Variants in LRP8 observed in about 807,000 individuals in gnomAD.
The protein encoded by LRP8 is LDL receptor related protein 8, also known as low-density lipoprotein receptor-related protein 8.
LRP8 carries 46 observed loss-of-function variants against 111.6 expected under a neutral mutation model. The ratio of observed to expected loss-of-function variants is 0.41; its 90% CI spans 0.33 to 0.53. The LOEUF is 0.53. Ranked by LOEUF, LRP8 falls within the 20% of genes least tolerant of loss-of-function variation. The pLI is 0.20. For missense variants in LRP8, 959 were observed against 1,297.4 expected (o/e 0.74, Z 4.01); for synonymous variants, 464 against 511.2 (o/e 0.91, Z 1.24).
intron 2 of LRP8, among the ~76,000 whole-genome samples, chr1:53,315,549 G>A (rs919629515): frequency 6.6e-6 from 1 of 152,348 alleles, no homozygotes; most frequent in Non-Finnish European, 1.5e-5. Context: ...GGGAAGTGGT[G>A]AGGTGTGGAC....
Position 53,277,068 on chromosome 1 carries a change from C to G in LRP8, c.507G>C (p.Pro169=). The G allele has an allele frequency of 6.6e-7, 1 of 1,521,446 alleles. No homozygotes were observed. Among genetic ancestry groups the G allele is most frequent in the South Asian group, 1.2e-5 (1 of 83,812 alleles). 94.2% of individuals were successfully genotyped at this position (1,521,446 alleles called of 1,614,324 possible). The stretch of plus-strand genomic sequence containing the variant: ...AGCGGTTGCCGCACTGGAACTCGTG[C>G]GGGGCGCACACTGCGCGGGACAGAG... ...DEAGCATLCA[P]HEFQCGNRSC... Residue 169 remains proline, a synonymous_variant, in exon 5 of 19, where the codon CCG becomes CCC. Transcript: ENST00000306052.
At position 53,247,003 on chromosome 1, in the gene LRP8, G is replaced by C. The variant is rs371130583; in HGVS notation, c.*15C>G. 48 of 1,604,758 alleles carry C rather than the reference G, an allele frequency of 3.0e-5. No individual in the cohort carries two copies. Among genetic ancestry groups the C allele is most frequent in the Admixed American group, 2.9e-4 (17 of 57,978 alleles). On this transcript the variant is annotated 3_prime_UTR_variant, in exon 19 of 19. Coordinates refer to ENST00000306052, the MANE Select transcript of LRP8 (RefSeq NM_004631.5). ...GGACTGAATTCCATGAGGCACGAAG[G>C]GGGTGATCCCATCCTCAGGGTAGTC...
Position 53,243,953 on chromosome 1 carries a change from T to C in LRP8, c.*3065A>G, listed in dbSNP as rs573240280. On this transcript the variant is annotated 3_prime_UTR_variant, in exon 19 of 19. Transcript: ENST00000306052. ...TGACCTTTACATCTGCAGTGCCAGG[T>C]GTGTAGTTGGTATCTAGTGAGTGGT... 3 of 152,254 alleles carry C rather than the reference T, an allele frequency of 2.0e-5. No homozygotes were observed. The South Asian group carries it at 6.2e-4, about 32-fold the overall frequency. 9.4% of individuals were successfully genotyped at this position (152,254 alleles called of 1,614,324 possible).
chr1:53,250,607 A>T lies in LRP8; in HGVS notation c.2676+83T>A. 1 of 1,235,218 alleles carries T rather than the reference A, an allele frequency of 8.1e-7. No homozygotes were observed. The highest frequency in any genetic ancestry group is 1.2e-6 in the Non-Finnish European group (1 of 862,468). 76.5% of individuals were successfully genotyped at this position (1,235,218 alleles called of 1,614,324 possible). On this transcript the variant is annotated intron_variant, in intron 17 of 18. Coordinates refer to ENST00000306052, the MANE Select transcript of LRP8 (RefSeq NM_004631.5). The surrounding 1 kb of genome is among the most constrained non-coding windows in gnomAD (Gnocchi z 4.6). ...AGGAAGGGAGGGAAGAAAGGATGGG[A>T]AGGAAGAAAGGATGGGAGGGGAAGA...
chr1:53,246,688 T>C lies in LRP8; in HGVS notation c.*330A>G, dbSNP rs1645736337. ...TTCTGTAAATATAGTTTTTAAATGATGAGTAAGGTACTGTGCCATTGGCCC... is the reference window on the plus strand; with the variant it reads ...TTCTGTAAATATAGTTTTTAAATGACGAGTAAGGTACTGTGCCATTGGCCC... On this transcript the variant is annotated 3_prime_UTR_variant, in exon 19 of 19. Transcript: ENST00000306052. 2 of 236,042 alleles carry C rather than the reference T, an allele frequency of 8.5e-6. No individual in the cohort carries two copies. The highest frequency in any genetic ancestry group is 1.6e-4 in the East Asian group (2 of 12,376). 14.6% of individuals were successfully genotyped at this position (236,042 alleles called of 1,614,324 possible). A position where few individuals can be genotyped will look rare whatever the true frequency, so the allele number is the denominator to read the frequency against.
At chr1:53,255,945 G>A (rs1646070708) in intron 15 of LRP8, among the ~76,000 whole-genome samples, 1 of 152,196 alleles carries the variant, frequency 6.6e-6, no homozygotes, top group Non-Finnish European at 1.5e-5. Flanking sequence ...GAGTGGGATG[G>A]GGTTGTTGAA....
intron 2 of LRP8, among the ~76,000 whole-genome samples, chr1:53,312,629 G>A (rs1265971504): frequency 2.0e-5 from 3 of 152,038 alleles, no homozygotes; most frequent in Non-Finnish European, 4.4e-5. Context: ...AAAATTCTGG[G>A]ATTATAGGTG....
At chr1:53,299,181 G>A (rs1650330922) in intron 2 of LRP8, among the ~76,000 whole-genome samples, 1 of 152,138 alleles carries the variant, frequency 6.6e-6, no homozygotes, top group Non-Finnish European at 1.5e-5. Context: ...TGGAGCAAAT[G>A]ATTCAGTGAT....
intron 16 of LRP8, among the ~76,000 whole-genome samples, 156 bp from the exon 17 acceptor site, chr1:53,251,018 C>T (rs539078333): frequency 6.6e-6 from 1 of 152,304 alleles, no homozygotes; most frequent in Admixed American, 6.5e-5. Flanking sequence ...GCCCATCTCT[C>T]ATCCCTTCTT....
chr1:53,261,200 G>A (rs560125091), intron 12 of LRP8, among the ~76,000 whole-genome samples: 53 of 152,216 alleles, frequency 3.5e-4, no homozygotes, highest in Non-Finnish European at 6.3e-4. Context: ...ACACACATAA[G>A]CACCAGCACT....
Position 53,276,675 on chromosome 1 carries a change from G to A in LRP8, c.883+17C>T. 2 of 1,528,246 alleles carry A rather than the reference G, an allele frequency of 1.3e-6. No individual in the cohort carries two copies. The highest frequency in any genetic ancestry group is 1.8e-6 in the Non-Finnish European group (2 of 1,140,622). The allele number at this position is 1,528,246 out of a possible 1,614,324, so 94.7% of individuals were successfully genotyped here. A position where few individuals can be genotyped will look rare whatever the true frequency, so the allele number is the denominator to read the frequency against. On this transcript the variant is annotated intron_variant, in intron 5 of 18. Transcript: ENST00000306052. Reference sequence around the variant, plus strand: ...CGCAATCCCTGGGCGGGGCTGGGCGGTATGGAGGGGGCTTACGGCAGTCGG... The same window carrying A: ...CGCAATCCCTGGGCGGGGCTGGGCGATATGGAGGGGGCTTACGGCAGTCGG...
chr1:53,308,939 A>G (rs1480317897), intron 2 of LRP8, among the ~76,000 whole-genome samples: 1 of 152,112 alleles, frequency 6.6e-6, no homozygotes, highest in Non-Finnish European at 1.5e-5. Flanking sequence ...CACCATCTCT[A>G]TCAGTAAAGA....
At chr1:53,270,910 T>C in intron 8 of LRP8, 118 bp downstream of exon 8, 1 of 1,461,802 alleles carries the variant, frequency 6.8e-7, no homozygotes, top group East Asian at 2.3e-5. Flanking sequence ...TACCTCTCAG[T>C]AACACAACCT....
chr1:53,289,189 A>C, intron 3 of LRP8: 1 of 164,940 alleles, frequency 6.1e-6, no homozygotes, highest in Non-Finnish European at 1.3e-5. Context: ...GCACACAGAG[A>C]GCTTAGCACA....
intron 1 of LRP8, 39 bp from the exon 2 acceptor site, chr1:53,327,031 C>T (rs766158241): frequency 7.5e-6 from 12 of 1,605,814 alleles, no homozygotes; most frequent in South Asian, 1.1e-5. Context: ...TCAGCGGACT[C>T]GGCCCCACTC....
chr1:53,321,320 G>A (rs942986916), intron 2 of LRP8, among the ~76,000 whole-genome samples: 2 of 152,118 alleles, frequency 1.3e-5, no homozygotes, highest in African/African-American at 2.4e-5. Flanking sequence ...TGGATGTGTG[G>A]GCATTTGGGG....
chr1:53,278,663 T>C (rs960724131), intron 4 of LRP8, among the ~76,000 whole-genome samples: 1 of 151,730 alleles, frequency 6.6e-6, no homozygotes, highest in African/African-American at 2.4e-5. Context: ...CGCTGACACC[T>C]AGATGAGCTC....
chr1:53,317,834 A>G lies in LRP8; in HGVS notation c.244+9039T>C, dbSNP rs1445968513. Among the ~76,000 whole-genome samples the G allele has an allele frequency of 6.6e-6, 1 of 152,200 alleles. No homozygotes were observed. Among genetic ancestry groups the G allele is most frequent in the Non-Finnish European group, 1.5e-5 (1 of 68,034 alleles). Reference sequence around the variant, plus strand: ...AATTGTGAGTGCAGGAAGAAGGCAGAAGGGAAAGTCACCCAAGGAACCTGG... The same window carrying G: ...AATTGTGAGTGCAGGAAGAAGGCAGGAGGGAAAGTCACCCAAGGAACCTGG... On this transcript the variant is annotated intron_variant, in intron 2 of 18. Transcript: ENST00000306052. This position sits in a 1 kb window ranked among gnomAD's most constrained non-coding sequence, Gnocchi z 4.9.
rs749573485 is a variant in LRP8, at chr1:53,303,614, C to T, written c.245-13925G>A. ...AATTTACAAGTACTTAGGCTCATTC[C>T]GTTGAACGTTAGGACCAAGGAGCCA... On this transcript the variant is annotated intron_variant, in intron 2 of 18. Transcript: ENST00000306052. The surrounding 1 kb of genome is among the most constrained non-coding windows in gnomAD (Gnocchi z 4.3). Among the ~76,000 whole-genome samples the T allele has an allele frequency of 3.9e-5, 6 of 152,200 alleles. No homozygotes were observed. Among genetic ancestry groups the T allele is most frequent in the South Asian group, 2.1e-4 (1 of 4,834 alleles).
Sources: allele counts gnomAD v4.1 joint callset (sites outside exome capture counted in the v4.1 genomes callset), GRCh38; gene constraint gnomAD v4.1.1; non-coding constraint Gnocchi (gnomAD v3.1); transcripts MANE v1.5; gene names NCBI Gene and HGNC (gene_info 2026-07-23, HGNC 2026-07-21).